RTN1: variants seen among roughly 807,000 people sequenced by gnomAD.
RTN1 encodes reticulon-1.
RTN1 carries 25 observed loss-of-function variants against 65.5 expected under a neutral mutation model. The ratio of observed to expected loss-of-function variants is 0.38; its 90% CI spans 0.28 to 0.53. The LOEUF is 0.53. Among genes scored for constraint, RTN1 ranks in the 20% least tolerant of loss-of-function variants. The pLI is 0.79. For synonymous variants in RTN1, 471 were observed against 447.6 expected (o/e 1.05, Z -0.66); for missense variants, 983 against 1,025.4 (o/e 0.96, Z 0.57).
At position 59,839,040 on chromosome 14, in the gene RTN1, G is replaced by A. The variant is rs545226151; in HGVS notation, c.241+31350C>T. Among the ~76,000 whole-genome samples, 4 of 152,120 alleles carry A rather than the reference G, an allele frequency of 2.6e-5. 1 individual carries two copies. The highest frequency in any genetic ancestry group is 3.9e-4 in the East Asian group (2 of 5,184). On this transcript the variant is annotated intron_variant, in intron 1 of 8. Transcript: ENST00000267484. Reference sequence around the variant, plus strand: ...CAGCATCAGACCAAAAGAAAGAGACGCTTTCCAAAAACTATTTTACTAGCA... The same window carrying A: ...CAGCATCAGACCAAAAGAAAGAGACACTTTCCAAAAACTATTTTACTAGCA...
rs577645844 is a variant in RTN1 at position 59,763,357 on chromosome 14, TGAGCCA to T, written c.242-16882_242-16877del. Among the ~76,000 whole-genome samples, 8 of 152,340 alleles carry T rather than the reference TGAGCCA, an allele frequency of 5.3e-5. No homozygotes were observed. The South Asian group carries it at 1.7e-3, about 32-fold the overall frequency. ...AGCAAGACAATAATTCAGCTGTTGA[TGAGCCA>T]GAGTTTGGGAATATTGATCCAAGTG... On this transcript the variant is annotated intron_variant, in intron 1 of 8. Coordinates refer to ENST00000267484, the MANE Select transcript of RTN1 (RefSeq NM_021136.3).
chr14:59,754,539 C>G (rs1410479568), intron 1 of RTN1, among the ~76,000 whole-genome samples: 1 of 152,130 alleles, frequency 6.6e-6, no homozygotes, highest in East Asian at 1.9e-4. Flanking sequence ...GGTAAGTTAG[C>G]CTCTTAGAGC....
At chr14:59,865,161 T>C (rs1191077867) in intron 1 of RTN1, among the ~76,000 whole-genome samples, 1 of 152,208 alleles carries the variant, frequency 6.6e-6, no homozygotes, top group Non-Finnish European at 1.5e-5. Flanking sequence ...TCTAAGGGTC[T>C]ATGAATATTT....
chr14:59,764,466 G>A (rs10135393), intron 1 of RTN1, among the ~76,000 whole-genome samples: 4,438 of 151,892 alleles, frequency 0.029, 203 homozygotes, highest in African/African-American at 0.1. Context: ...GATTACAGGC[G>A]CCTGCTACCA....
chr14:59,630,407 G>C lies in RTN1; in HGVS notation c.1766-22915C>G, dbSNP rs749288238. ...GACGAGTCCAGGTCCCGGGTTTCCC[G>C]TGCGCCTCAGGCATGCACTACTGAA... On this transcript the variant is annotated intron_variant, in intron 3 of 8. Transcript: ENST00000267484. 1.9e-6 allele frequency: 3 copies of C among 1,612,016 alleles called. No homozygotes were observed. The African/African-American group carries it at 4.0e-5, about 22-fold the overall frequency.
rs1885503317 is a variant in RTN1 at position 59,750,819 on chromosome 14, T to A, written c.242-4338A>T. On this transcript the variant is annotated intron_variant, in intron 1 of 8. Coordinates refer to ENST00000267484, the MANE Select transcript of RTN1 (RefSeq NM_021136.3). ...AGCCTCAACCTATAGGCTCAAAACA[T>A]CCATCTAGTTCACCCTCCCAAGTAA... Among the ~76,000 whole-genome samples the A allele has an allele frequency of 4.4e-5, 6 of 137,826 alleles. No individual in the cohort carries two copies. The Admixed American group carries it at 4.9e-4, about 11-fold the overall frequency. The allele number at this position is 137,826 out of a possible 152,430, so 90.4% of individuals were successfully genotyped here. A position where few individuals can be genotyped will look rare whatever the true frequency, so the allele number is the denominator to read the frequency against.
At chr14:59,772,505 C>G (rs1885977161) in intron 1 of RTN1, among the ~76,000 whole-genome samples, 1 of 151,132 alleles carries the variant, frequency 6.6e-6, no homozygotes, top group South Asian at 2.1e-4. Flanking sequence ...AGTTACGTGA[C>G]AGCCCAATTC....
chr14:59,746,339 C>T lies in RTN1; in HGVS notation c.384G>A (p.Gln128=). The T allele has an allele frequency of 6.2e-7, 1 of 1,614,168 alleles. No homozygotes were observed. ...AAATGGTGACGTGGCCATTTTCCTTCTGAAGAATTCCAGTAAAATATGTAG... is the reference window on the plus strand; with the variant it reads ...AAATGGTGACGTGGCCATTTTCCTTTTGAAGAATTCCAGTAAAATATGTAG... ...EDSTYFTGIL[Q]KENGHVTISE... is the part of the protein sequence containing the mutation. Residue 128 remains glutamine (Q), a synonymous_variant, in exon 2 of 9, where the codon CAG becomes CAA. Transcript: ENST00000267484.
At position 59,603,201 on chromosome 14, in the gene RTN1, A is replaced by G. The variant is rs1338713742; in HGVS notation, c.2229+11T>C. On this transcript the variant is annotated intron_variant, in intron 7 of 8. Transcript: ENST00000267484. ...ATTCAATGCCATTTTTTGACATCAC[A>G]TAGAACTTACCTGGTGCTTAACATA... 1.9e-6 allele frequency: 3 copies of G among 1,613,296 alleles called. No individual in the cohort carries two copies. Among genetic ancestry groups the G allele is most frequent in the Non-Finnish European group, 2.5e-6 (3 of 1,179,712 alleles).
chr14:59,727,965 TC>T lies in RTN1; in HGVS notation c.1016-298del, dbSNP rs1054345545. On this transcript the variant is annotated intron_variant, in intron 2 of 8. Transcript: ENST00000267484. This position sits in a 1 kb window ranked among gnomAD's most constrained non-coding sequence, Gnocchi z 4.2. ...CCAGCAATATCTTAGCAACAGAATC[TC>T]AGTTGGTGTTCCTGTTTCAATGCAG... Among the ~76,000 whole-genome samples the T allele has an allele frequency of 2.6e-5, 4 of 152,158 alleles. No individual in the cohort carries two copies. The highest frequency in any genetic ancestry group is 7.2e-5 in the African/African-American group (3 of 41,430).
At chr14:59,633,863 G>A (rs1882606886) in intron 3 of RTN1, among the ~76,000 whole-genome samples, 1 of 152,208 alleles carries the variant, frequency 6.6e-6, no homozygotes, top group Non-Finnish European at 1.5e-5. Flanking sequence ...CATTCCCAGA[G>A]TGGCTTTATT....
chr14:59,865,541 C>T (rs1460535830), intron 1 of RTN1, among the ~76,000 whole-genome samples: 1 of 152,100 alleles, frequency 6.6e-6, no homozygotes, highest in Non-Finnish European at 1.5e-5. Flanking sequence ...GAAGCCCTTC[C>T]CTCCCTTTTC....
At chr14:59,610,279 T>A in intron 3 of RTN1, 1 of 632,362 alleles carries the variant, frequency 1.6e-6, no homozygotes, top group East Asian at 2.8e-5. Flanking sequence ...TGGTGTAGGG[T>A]CGTCTCTTAG....
intron 3 of RTN1, among the ~76,000 whole-genome samples, chr14:59,715,351 T>C (rs1024467575): frequency 2.6e-5 from 4 of 152,108 alleles, no homozygotes; most frequent in African/African-American, 9.7e-5. Flanking sequence ...TTAGCCAGAG[T>C]AGTGGGCCCT....
At chr14:59,642,362 A>G (rs949738387) in intron 3 of RTN1, among the ~76,000 whole-genome samples, 3 of 152,092 alleles carry the variant, frequency 2.0e-5, no homozygotes, top group African/African-American at 2.4e-5. Context: ...CCTTTTATCA[A>G]TTTTGAATAA....
intron 1 of RTN1, among the ~76,000 whole-genome samples, chr14:59,775,691 T>G (rs1014125573): frequency 5.9e-5 from 9 of 152,160 alleles, no homozygotes; most frequent in African/African-American, 1.7e-4. Context: ...AGATGATACA[T>G]CTCCAGACCA....
intron 1 of RTN1, among the ~76,000 whole-genome samples, chr14:59,778,452 G>T (rs997930193): frequency 2.8e-4 from 42 of 152,134 alleles, no homozygotes; most frequent in African/African-American, 8.7e-4. Flanking sequence ...TGTCCAAGTC[G>T]CAGTAAGTGA....
At chr14:59,662,432 T>G (rs1409342462) in intron 3 of RTN1, among the ~76,000 whole-genome samples, 1 of 151,828 alleles carries the variant, frequency 6.6e-6, no homozygotes, top group Non-Finnish European at 1.5e-5. Context: ...GTCCTTGTGA[T>G]AGTTTGCTGA....
intron 1 of RTN1, among the ~76,000 whole-genome samples, chr14:59,865,859 T>C (rs1887788556): frequency 6.6e-6 from 1 of 152,208 alleles, no homozygotes; most frequent in Non-Finnish European, 1.5e-5. Flanking sequence ...AAGATCTTGA[T>C]GTAACATTTA....
Sources: allele counts gnomAD v4.1 joint callset (sites outside exome capture counted in the v4.1 genomes callset), GRCh38; gene constraint gnomAD v4.1.1; non-coding constraint Gnocchi (gnomAD v3.1); transcripts MANE v1.5; gene names NCBI Gene and HGNC (gene_info 2026-07-23, HGNC 2026-07-21).